CSMD1: variants seen among roughly 807,000 people sequenced by gnomAD.
CSMD1 encodes the protein CUB and sushi domain-containing protein 1.
CSMD1 carries 213 observed loss-of-function variants against 417.5 expected under a neutral mutation model. The ratio of observed to expected loss-of-function variants is 0.51; its 90% CI spans 0.46 to 0.57. CSMD1 has a LOEUF of 0.57. Among genes scored for constraint, CSMD1 ranks in the 20% least tolerant of loss-of-function variants. The pLI, the probability that CSMD1 is intolerant of heterozygous loss-of-function variation, is 0.00. For synonymous variants in CSMD1, 2,862 were observed against 1,736.8 expected, an observed-to-expected ratio of 1.65 and a Z score of -16.11; for missense variants, 6,923 against 4,529.7, an observed-to-expected ratio of 1.53 and a Z score of -15.17.
At chr8:3,686,801 A>T (rs1424337505) in intron 7 of CSMD1, among the ~76,000 whole-genome samples, 1 of 152,062 alleles carries the variant, frequency 6.6e-6, no homozygotes, top group Non-Finnish European at 1.5e-5. Context: ...TTGGATCTTC[A>T]TTTCCTTATG....
chr8:4,452,800 C>T (rs1006448524), intron 2 of CSMD1, among the ~76,000 whole-genome samples: 10 of 151,926 alleles, frequency 6.6e-5, no homozygotes, highest in African/African-American at 2.4e-4. Context: ...GGATTAATAA[C>T]AAAAATCCCC....
chr8:4,260,317 T>C (rs976492602), intron 3 of CSMD1, among the ~76,000 whole-genome samples: 1 of 152,218 alleles, frequency 6.6e-6, no homozygotes, highest in African/African-American at 2.4e-5. Context: ...TTTTATGATG[T>C]GTCTGTTTTT....
At chr8:3,899,115 G>A (rs551422815) in intron 5 of CSMD1, among the ~76,000 whole-genome samples, 8 of 152,236 alleles carry the variant, frequency 5.3e-5, no homozygotes, top group Non-Finnish European at 8.8e-5. Context: ...CATAAGTACT[G>A]ACTGGCGCCA....
intron 12 of CSMD1, among the ~76,000 whole-genome samples, chr8:3,420,342 C>A (rs947412449): frequency 6.7e-6 from 1 of 149,214 alleles, no homozygotes; most frequent in Non-Finnish European, 1.5e-5. Context: ...AAGGCAGTAA[C>A]AATTCAGAGG....
At chr8:3,619,790 G>C (rs949628830) in intron 7 of CSMD1, among the ~76,000 whole-genome samples, 3 of 152,128 alleles carry the variant, frequency 2.0e-5, no homozygotes, top group Non-Finnish European at 4.4e-5. Context: ...GAAAGCAATG[G>C]ATAGGCTGGG....
At chr8:4,077,309 A>ATATATATGTATATATATATATATATGTG (rs1799882780) in intron 3 of CSMD1, among the ~76,000 whole-genome samples, 1 of 145,582 alleles carries the variant, frequency 6.9e-6, no homozygotes, top group Admixed American at 6.8e-5. Context: ...ATATATATAT[A>ATATATATGTATATATATATATATATGTG]TATATATATA....
At chr8:4,202,331 A>G (rs1171268831) in intron 3 of CSMD1, among the ~76,000 whole-genome samples, 3 of 152,210 alleles carry the variant, frequency 2.0e-5, no homozygotes, top group Non-Finnish European at 4.4e-5. Flanking sequence ...GAGCTCACTT[A>G]CAATATGGCA....
At chr8:3,581,849 G>C (rs1444519946) in intron 9 of CSMD1, among the ~76,000 whole-genome samples, 2 of 152,044 alleles carry the variant, frequency 1.3e-5, no homozygotes, top group African/African-American at 4.8e-5. Flanking sequence ...TTGTCACCCA[G>C]GCTGGAGTAT....
intron 3 of CSMD1, among the ~76,000 whole-genome samples, chr8:4,227,988 T>A (rs1414280019): frequency 6.8e-6 from 1 of 147,866 alleles, no homozygotes; most frequent in African/African-American, 2.5e-5. Context: ...CCCTCCATCC[T>A]ACATTAAACC....
At chr8:3,816,468 G>C (rs12680074) in intron 5 of CSMD1, among the ~76,000 whole-genome samples, 2 of 152,086 alleles carry the variant, frequency 1.3e-5, no homozygotes, top group Admixed American at 6.5e-5. Flanking sequence ...TAGCTGTTAT[G>C]AATCTCTCGC....
chr8:3,199,731 A>T lies in CSMD1; in HGVS notation c.5177T>A (p.Phe1726Tyr). Residue 1726 changes from phenylalanine to tyrosine, a missense_variant, in exon 33 of 70, where the codon TTC becomes TAC. Phe to Tyr is a conservative substitution (Grantham distance 22). Coordinates refer to ENST00000635120, the MANE Select transcript of CSMD1 (RefSeq NM_033225.6). ...SAKSGASARG[F>Y]HFVYQAVPRT... The stretch of plus-strand genomic sequence containing the variant: ...ACGCTTACCTTGATACACGAAGTGG[A>T]AGCCGCGGGCAGAGGCACCGCTCTT... The T allele has an allele frequency of 1.3e-6, 2 of 1,587,058 alleles. No homozygotes were observed. The highest frequency in any genetic ancestry group is 1.7e-6 in the Non-Finnish European group (2 of 1,166,146).
chr8:4,984,878 T>C (rs956233505), intron 1 of CSMD1, among the ~76,000 whole-genome samples: 1 of 152,076 alleles, frequency 6.6e-6, no homozygotes, highest in Non-Finnish European at 1.5e-5. Context: ...AAGATGCTAG[T>C]GAGCCATGTG....
intron 1 of CSMD1, among the ~76,000 whole-genome samples, chr8:4,644,376 C>T (rs1803383924): frequency 1.3e-5 from 2 of 151,200 alleles, no homozygotes; most frequent in Non-Finnish European, 1.5e-5. Context: ...ATATCTCAAT[C>T]AGCAACATTC....
intron 4 of CSMD1, among the ~76,000 whole-genome samples, chr8:3,998,888 T>G (rs1815437062): frequency 6.7e-6 from 1 of 149,578 alleles, no homozygotes; most frequent in Admixed American, 6.7e-5. Flanking sequence ...ATATAACATA[T>G]AATCTATATG....
rs114944493 is a variant in CSMD1, at chr8:4,011,745, T to A, written c.611-13635A>T. Among the ~76,000 whole-genome samples the A allele has an allele frequency of 6.4e-3, 970 of 152,276 alleles. 14 individuals are homozygous for A. The highest frequency in any genetic ancestry group is 0.022 in the African/African-American group (933 of 41,528). ...GAGTTATCAGCATACTTTTTTCTCA[T>A]TTTCTCCCAGTGGTTACATCTTATA... On this transcript the variant is annotated intron_variant, in intron 4 of 69. Transcript: ENST00000635120.
intron 1 of CSMD1, among the ~76,000 whole-genome samples, chr8:4,961,907 T>C (rs544136440): frequency 6.6e-6 from 1 of 152,198 alleles, no homozygotes; most frequent in African/African-American, 2.4e-5. Context: ...TCCTTTTTTT[T>C]CCAATCTATT....
chr8:3,869,504 G>A (rs183697242), intron 5 of CSMD1, among the ~76,000 whole-genome samples: 99 of 152,256 alleles, frequency 6.5e-4, no homozygotes, highest in African/African-American at 2.0e-3. Context: ...GGCTGAATGC[G>A]TTTGATATGC....
chr8:3,726,163 A>C (rs1802483331), intron 6 of CSMD1, among the ~76,000 whole-genome samples: 1 of 151,884 alleles, frequency 6.6e-6, no homozygotes, highest in South Asian at 2.1e-4. Context: ...GCGTCCTGCC[A>C]ATCTCCACAC....
At chr8:4,863,689 G>C (rs1053925103) in intron 1 of CSMD1, among the ~76,000 whole-genome samples, 1 of 152,008 alleles carries the variant, frequency 6.6e-6, no homozygotes, top group Non-Finnish European at 1.5e-5. Context: ...GCATATCTTA[G>C]ATTTAATTAA....
Sources: gnomAD v4.1 joint callset for allele counts (sites outside exome capture counted in the v4.1 genomes callset) on GRCh38, gnomAD v4.1.1 for gene constraint, MANE v1.5 for transcripts, NCBI Gene and HGNC (gene_info 2026-07-23, HGNC 2026-07-21) for gene names.